The following MTUS1 variants were observed in gnomAD, a reference collection of about 807,000 sequenced individuals.
MTUS1 encodes microtubule associated scaffold protein 1.
MTUS1 carries 109 observed loss-of-function variants against 120.8 expected under a neutral mutation model. The ratio of observed to expected loss-of-function variants is 0.90; its 90% confidence interval spans 0.77 to 1.06. The LOEUF is 1.06. MTUS1 is among the 50% of genes least tolerant of loss of function. The pLI, the probability that MTUS1 is intolerant of heterozygous loss-of-function variation, is 0.00. For missense variants in MTUS1, 2,210 were observed against 1,486.3 expected (o/e 1.49, Z -8.01); for synonymous variants, 737 against 550.5 (o/e 1.34, Z -4.74).
At chr8:17,666,984 A>G (rs894252484) in intron 8 of MTUS1, among the ~76,000 whole-genome samples, 3 of 152,218 alleles carry the variant, frequency 2.0e-5, no homozygotes, top group African/African-American at 7.2e-5. Context: ...TTCGTACACA[A>G]TAAAGTTTGG....
At chr8:17,663,827 C>T (rs1810316037) in intron 8 of MTUS1, among the ~76,000 whole-genome samples, 1 of 152,112 alleles carries the variant, frequency 6.6e-6, no homozygotes, top group African/African-American at 2.4e-5. Flanking sequence ...AACTCCTGAC[C>T]TCAAATGATC....
intron 8 of MTUS1, among the ~76,000 whole-genome samples, chr8:17,659,074 G>C (rs1332128019): frequency 6.6e-6 from 1 of 152,148 alleles, no homozygotes; most frequent in Non-Finnish European, 1.5e-5. Flanking sequence ...ATATAGATAA[G>C]GAAACCGCCA....
chr8:17,788,948 C>T (rs990501760), intron 1 of MTUS1, among the ~76,000 whole-genome samples: 5 of 151,962 alleles, frequency 3.3e-5, no homozygotes, highest in African/African-American at 1.2e-4. Flanking sequence ...ACCATCTACC[C>T]CCAGGGCTTA....
chr8:17,795,654 T>C (rs370083139), intron 1 of MTUS1, among the ~76,000 whole-genome samples: 5 of 152,230 alleles, frequency 3.3e-5, no homozygotes, highest in African/African-American at 1.2e-4. Flanking sequence ...CTTTTATTCC[T>C]TTTTAGACAG....
intron 6 of MTUS1, among the ~76,000 whole-genome samples, chr8:17,705,007 G>C (rs190171042): frequency 1.3e-5 from 2 of 151,612 alleles, no homozygotes; most frequent in East Asian, 3.9e-4. Context: ...TTTTTGAGAC[G>C]GAGTCTTGCT....
At chr8:17,781,714 C>G (rs909513581) in intron 1 of MTUS1, among the ~76,000 whole-genome samples, 4 of 152,140 alleles carry the variant, frequency 2.6e-5, no homozygotes, top group African/African-American at 9.7e-5. Flanking sequence ...TAGACAGCAC[C>G]CCTTTCCTGC....
At chr8:17,767,700 T>TG (rs1554533205) in intron 1 of MTUS1, among the ~76,000 whole-genome samples, 3 of 87,888 alleles carry the variant, frequency 3.4e-5, no homozygotes, top group Non-Finnish European at 6.8e-5. Context: ...CCCTGTCTCT[T>TG]AAAAAAAAAA....
intron 7 of MTUS1, among the ~76,000 whole-genome samples, chr8:17,683,695 T>C (rs907790823): frequency 1.3e-5 from 2 of 152,146 alleles, no homozygotes; most frequent in Non-Finnish European, 2.9e-5. Context: ...AGTTGCCCCC[T>C]GAGATAATTA....
At chr8:17,774,174 G>C (rs1200043302) in intron 1 of MTUS1, among the ~76,000 whole-genome samples, 2 of 152,146 alleles carry the variant, frequency 1.3e-5, no homozygotes, top group Non-Finnish European at 2.9e-5. Context: ...TCTCTTAATA[G>C]CATTCTGTTA....
chr8:17,700,685 T>C (rs1241518422), intron 6 of MTUS1, among the ~76,000 whole-genome samples: 1 of 146,838 alleles, frequency 6.8e-6, no homozygotes, highest in East Asian at 2.2e-4. Context: ...TTTTGTATTT[T>C]CCTAATTTTT....
intron 6 of MTUS1, among the ~76,000 whole-genome samples, chr8:17,693,039 G>T (rs1045497551): frequency 5.3e-5 from 8 of 152,112 alleles, no homozygotes; most frequent in African/African-American, 1.9e-4. Context: ...AGTCAAGAAG[G>T]AAATTAACCT....
At chr8:17,773,290 C>G (rs2050150705) in intron 1 of MTUS1, among the ~76,000 whole-genome samples, 1 of 152,118 alleles carries the variant, frequency 6.6e-6, no homozygotes, top group Non-Finnish European at 1.5e-5. Flanking sequence ...AGTGCAGGAG[C>G]AGGGGAAGAG....
chr8:17,706,106 A>T (rs182320583), intron 6 of MTUS1: 67 of 152,252 alleles, frequency 4.4e-4, no homozygotes, highest in Non-Finnish European at 2.4e-4. Context: ...TAGAGATTTA[A>T]AATAATTCAA....
intron 6 of MTUS1, among the ~76,000 whole-genome samples, chr8:17,710,907 A>G (rs889910381): frequency 6.6e-6 from 1 of 152,212 alleles, no homozygotes; most frequent in Admixed American, 6.5e-5. Flanking sequence ...TTACTATGTA[A>G]TACACTATAC....
intron 12 of MTUS1, among the ~76,000 whole-genome samples, chr8:17,650,792 C>T (rs529537070): frequency 2.0e-5 from 3 of 152,306 alleles, no homozygotes; most frequent in Non-Finnish European, 4.4e-5. Flanking sequence ...TTCCCACCAC[C>T]GCCCACCCAC....
At chr8:17,791,219 G>T (rs985506880) in intron 1 of MTUS1, among the ~76,000 whole-genome samples, 1 of 152,164 alleles carries the variant, frequency 6.6e-6, no homozygotes, top group Non-Finnish European at 1.5e-5. Flanking sequence ...AAGCACTCAT[G>T]ACCTGCTCTG....
chr8:17,712,764 G>T (rs1220236356), intron 6 of MTUS1, among the ~76,000 whole-genome samples: 1 of 150,488 alleles, frequency 6.6e-6, no homozygotes, highest in Non-Finnish European at 1.5e-5. Flanking sequence ...CTCAGCTGTG[G>T]TTCAAATAGT....
chr8:17,729,361 C>G (rs1490113284), intron 3 of MTUS1, among the ~76,000 whole-genome samples: 1 of 152,138 alleles, frequency 6.6e-6, no homozygotes, highest in Non-Finnish European at 1.5e-5. Flanking sequence ...TGTTTAAGAA[C>G]TTAGCTTCAA....
intron 1 of MTUS1, among the ~76,000 whole-genome samples, chr8:17,768,354 A>G (rs6988030): frequency 0.77 from 117,520 of 152,084 alleles, 45,782 homozygotes; most frequent in Middle Eastern, 0.84. Context: ...GAGGTTCAAA[A>G]CATGAATAAG....
Sources: gnomAD v4.1 joint callset for allele counts (sites outside exome capture counted in the v4.1 genomes callset) on GRCh38, gnomAD v4.1.1 for gene constraint, MANE v1.5 for transcripts, NCBI Gene and HGNC (gene_info 2026-07-23, HGNC 2026-07-21) for gene names.